Variants in FAM81A observed in about 807,000 individuals in gnomAD.
FAM81A encodes protein FAM81A.
FAM81A carries 19 observed loss-of-function variants against 46.7 expected under a neutral mutation model. That is an observed-to-expected ratio of 0.41 (90% CI 0.28 to 0.60). The LOEUF is 0.60. Ranked by LOEUF, FAM81A falls within the 20% of genes least tolerant of loss-of-function variation. The probability of loss-of-function intolerance (pLI) is 0.34; values close to 1 mark genes in which losing one functional copy is unlikely to be tolerated. For missense variants in FAM81A, 377 were observed against 453.5 expected, an observed-to-expected ratio of 0.83 and a Z score of 1.53; for synonymous variants, 183 against 152.9, an observed-to-expected ratio of 1.20 and a Z score of -1.45.
intron 1 of FAM81A, among the ~76,000 whole-genome samples, chr15:59,399,952 T>C (rs1224546750): frequency 5.9e-5 from 9 of 152,180 alleles, no homozygotes; most frequent in Non-Finnish European, 2.9e-5. Context: ...CAAAGTATCT[T>C]CAGTGAGTAA....
chr15:59,427,583 C>G (rs1191100091), intron 2 of FAM81A, among the ~76,000 whole-genome samples: 1 of 152,114 alleles, frequency 6.6e-6, no homozygotes, highest in African/African-American at 2.4e-5. Flanking sequence ...CTGGTAACTG[C>G]CATTCTACCG....
chr15:59,500,805 T>A (rs2082083504), intron 4 of FAM81A, among the ~76,000 whole-genome samples: 1 of 152,124 alleles, frequency 6.6e-6, no homozygotes, highest in Non-Finnish European at 1.5e-5. Flanking sequence ...TCTATCAATT[T>A]TTTGTTCCAG....
intron 2 of FAM81A, among the ~76,000 whole-genome samples, chr15:59,418,538 T>C (rs10519003): frequency 0.19 from 28,365 of 152,192 alleles, 3,321 homozygotes; most frequent in South Asian, 0.38. Flanking sequence ...ATCCAGGTTA[T>C]GAAGGTGTTT....
intron 3 of FAM81A, among the ~76,000 whole-genome samples, chr15:59,462,810 C>G (rs1186308649): frequency 6.6e-6 from 1 of 152,142 alleles, no homozygotes; most frequent in African/African-American, 2.4e-5. Context: ...ATAATGTTTT[C>G]AAGGTCCATC....
intron 1 of FAM81A, chr15:59,401,852 A>G (rs1466958598): frequency 2.7e-6 from 2 of 739,838 alleles, no homozygotes; most frequent in Non-Finnish European, 2.5e-6. Flanking sequence ...GGCCCTGTTT[A>G]TGGTAAGGCT....
intron 2 of FAM81A, among the ~76,000 whole-genome samples, chr15:59,424,557 C>T (rs534574724): frequency 6.6e-6 from 1 of 152,358 alleles, no homozygotes; most frequent in East Asian, 1.9e-4. Flanking sequence ...GCATTACATA[C>T]TTGACAAGTC....
intron 4 of FAM81A, among the ~76,000 whole-genome samples, chr15:59,503,579 T>TG (rs370457802): frequency 0.011 from 1,680 of 150,988 alleles, 29 homozygotes; most frequent in African/African-American, 0.038. Context: ...ATTTAGCCAC[T>TG]ATTTTTTTTT....
chr15:59,466,919 G>A (rs1417912744), intron 3 of FAM81A, among the ~76,000 whole-genome samples: 6 of 152,080 alleles, frequency 3.9e-5, no homozygotes, highest in Admixed American at 2.0e-4. Context: ...TCAGCTTTCT[G>A]CATATGGCTA....
intron 2 of FAM81A, among the ~76,000 whole-genome samples, chr15:59,419,613 C>T (rs2081161998): frequency 6.6e-6 from 1 of 152,172 alleles, no homozygotes; most frequent in Non-Finnish European, 1.5e-5. Context: ...GTGGCTCAAG[C>T]TTGTAATCCC....
chr15:59,467,721 C>T (rs4775170), intron 3 of FAM81A, among the ~76,000 whole-genome samples: 88,686 of 151,968 alleles, frequency 0.58, 26,607 homozygotes, highest in Admixed American at 0.68. Context: ...GCCTGATTGC[C>T]CTGGCCAGAA....
chr15:59,434,903 A>G (rs187354003), upstream of FAM81A, among the ~76,000 whole-genome samples: 6 of 152,286 alleles, frequency 3.9e-5, no homozygotes, highest in African/African-American at 1.4e-4. Flanking sequence ...CCTACTTACT[A>G]TCCTTATAGA....
rs779966053 is a variant in FAM81A, at chr15:59,458,581, G to A, written c.-46G>A. On this transcript the variant is annotated 5_prime_UTR_variant, in exon 2 of 9. Transcript: ENST00000288228. ...ATTATTAAAAAGAAAATGGCCCAAC[G>A]GAGCACTGTATTTCCTTCTCGTGTC... is the stretch of plus-strand genomic sequence containing the variant. 9 of 1,613,286 alleles carry A rather than the reference G, an allele frequency of 5.6e-6. No homozygotes were observed. In the Admixed American group the frequency reaches 1.0e-4, roughly 18 times the overall value.
chr15:59,427,610 C>T (rs923466988), intron 2 of FAM81A, among the ~76,000 whole-genome samples: 11 of 152,098 alleles, frequency 7.2e-5, no homozygotes, highest in East Asian at 3.9e-4. Flanking sequence ...TCCATGAGTT[C>T]AATTGTTTTA....
At chr15:59,507,913 G>T (rs190465064) in intron 5 of FAM81A, among the ~76,000 whole-genome samples, 2 of 152,180 alleles carry the variant, frequency 1.3e-5, no homozygotes, top group Admixed American at 1.3e-4. Flanking sequence ...ATCATAGGGC[G>T]TGTCTTCTAG....
chr15:59,443,255 G>A (rs534302405), intron 1 of FAM81A, among the ~76,000 whole-genome samples: 1 of 152,204 alleles, frequency 6.6e-6, no homozygotes, highest in South Asian at 2.1e-4. Flanking sequence ...GCTAACTTTT[G>A]TAATTTTGTA....
At chr15:59,512,627 G>A (rs1281207196) in intron 6 of FAM81A, among the ~76,000 whole-genome samples, 1 of 152,068 alleles carries the variant, frequency 6.6e-6, no homozygotes, top group African/African-American at 2.4e-5. Flanking sequence ...GTCTTCTAAG[G>A]TCCTGGCAGT....
intron 4 of FAM81A, among the ~76,000 whole-genome samples, chr15:59,505,383 G>A (rs2082138344): frequency 6.6e-6 from 1 of 151,884 alleles, no homozygotes; most frequent in South Asian, 2.1e-4. Flanking sequence ...ATGGTGATGT[G>A]TACCTGTAAT....
Position 59,488,173 on chromosome 15 carries a change from A to G in FAM81A, c.295-4098A>G, listed in dbSNP as rs541968001. On this transcript the variant is annotated intron_variant, in intron 3 of 8. Transcript: ENST00000288228. ...CAACAAAATGAAAGACAAAAAGCATATGATCATATCAACCGATGCTGAAAA... is the reference window on the plus strand; with the variant it reads ...CAACAAAATGAAAGACAAAAAGCATGTGATCATATCAACCGATGCTGAAAA... 1.1e-4 allele frequency among the ~76,000 whole-genome samples: 16 copies of G among 152,348 alleles called. No homozygotes were observed. The East Asian group carries it at 2.9e-3, about 27-fold the overall frequency.
intron 2 of FAM81A, among the ~76,000 whole-genome samples, chr15:59,405,474 G>A (rs1476188187): frequency 6.6e-6 from 1 of 151,970 alleles, no homozygotes; most frequent in East Asian, 1.9e-4. Flanking sequence ...AACCCCGTCT[G>A]TACTAAAAAG....
Sources: allele counts gnomAD v4.1 joint callset (sites outside exome capture counted in the v4.1 genomes callset), GRCh38; gene constraint gnomAD v4.1.1; transcripts MANE v1.5; gene names NCBI Gene and HGNC (gene_info 2026-07-23, HGNC 2026-07-21).